The following PLEKHA5 variants were observed in gnomAD, a reference collection of about 807,000 sequenced individuals.
PLEKHA5 encodes the protein pleckstrin homology domain-containing family A member 5.
In PLEKHA5, 55 loss-of-function variants were observed where a neutral mutation model predicts 181.9. That is an observed-to-expected ratio of 0.30 (90% confidence interval 0.24 to 0.38). The LOEUF is 0.38. PLEKHA5 is among the 10% of genes least tolerant of loss of function. The pLI is 1.00. For synonymous variants in PLEKHA5, 535 were observed against 529.4 expected, an observed-to-expected ratio of 1.01 and a Z score of -0.15; for missense variants, 1,432 against 1,549.5, an observed-to-expected ratio of 0.92 and a Z score of 1.27.
intron 16 of PLEKHA5, among the ~76,000 whole-genome samples, chr12:19,316,158 T>C (rs948888682): frequency 9.9e-5 from 15 of 152,180 alleles, no homozygotes; most frequent in African/African-American, 3.1e-4. Context: ...TCTGAAGCTG[T>C]CAGTAAAATA....
chr12:19,205,868 A>G (rs1320641939), intron 3 of PLEKHA5, among the ~76,000 whole-genome samples: 2 of 152,132 alleles, frequency 1.3e-5, no homozygotes, highest in Non-Finnish European at 2.9e-5. Context: ...CCCAGTTTGC[A>G]TAAGATCAAA....
At chr12:19,331,104 T>C (rs1314354374) in intron 20 of PLEKHA5, among the ~76,000 whole-genome samples, 1 of 152,198 alleles carries the variant, frequency 6.6e-6, no homozygotes, top group Non-Finnish European at 1.5e-5. Flanking sequence ...TAAAACAGTT[T>C]ATTAGCTCTA....
chr12:19,254,953 G>T, intron 4 of PLEKHA5, 92 bp from the exon 5 acceptor site: 2 of 1,094,462 alleles, frequency 1.8e-6, no homozygotes, highest in South Asian at 2.3e-5. Flanking sequence ...CTGTGAAAAA[G>T]TAGGACACTC....
chr12:19,213,783 G>A (rs564665600), intron 3 of PLEKHA5, among the ~76,000 whole-genome samples: 8 of 152,270 alleles, frequency 5.3e-5, no homozygotes, highest in South Asian at 4.2e-4. Flanking sequence ...GGCAGGTAGC[G>A]AATGTGAGAG....
At chr12:19,273,979 C>G (rs1174266405) in intron 10 of PLEKHA5, among the ~76,000 whole-genome samples, 2 of 152,202 alleles carry the variant, frequency 1.3e-5, no homozygotes, top group African/African-American at 4.8e-5. Flanking sequence ...CATGTGCAGT[C>G]AGACTCCAAG....
Position 19,313,365 on chromosome 12 carries a change from G to A in PLEKHA5, c.2038-1449G>A, listed in dbSNP as rs527542840. Among the ~76,000 whole-genome samples the A allele has an allele frequency of 3.9e-4, 60 of 152,194 alleles. 1 individual carries two copies. The highest frequency in any genetic ancestry group is 2.1e-3 in the South Asian group (10 of 4,820). Reference sequence around the variant, plus strand: ...ATTCCAATCTGGGCAACAGATCACCGTAACACTTAAGAATTTTTTGTTTAA... The same window carrying A: ...ATTCCAATCTGGGCAACAGATCACCATAACACTTAAGAATTTTTTGTTTAA... On this transcript the variant is annotated intron_variant, in intron 15 of 31. Transcript: ENST00000429027.
At chr12:19,161,512 C>G (rs2042961372) in intron 3 of PLEKHA5, among the ~76,000 whole-genome samples, 1 of 152,190 alleles carries the variant, frequency 6.6e-6, no homozygotes, top group Non-Finnish European at 1.5e-5. Context: ...CCCACCCCAT[C>G]TCCGTGTCTC....
At chr12:19,141,878 C>T (rs971183697) in intron 3 of PLEKHA5, among the ~76,000 whole-genome samples, 1 of 152,156 alleles carries the variant, frequency 6.6e-6, no homozygotes, top group African/African-American at 2.4e-5. Context: ...AGTGTCAGTG[C>T]TTGAGTAATA....
intron 3 of PLEKHA5, among the ~76,000 whole-genome samples, chr12:19,230,942 G>A (rs759952531): frequency 8.5e-5 from 13 of 152,310 alleles, no homozygotes; most frequent in Non-Finnish European, 1.5e-4. Flanking sequence ...AACTTATGAA[G>A]TCAGTTACTT....
At chr12:19,156,196 GT>G (rs1555227365) in intron 3 of PLEKHA5, among the ~76,000 whole-genome samples, 13 of 127,098 alleles carry the variant, frequency 1.0e-4, no homozygotes, top group African/African-American at 3.4e-4. Context: ...TCCTTGATTT[GT>G]TTTTTTTCCT....
intron 3 of PLEKHA5, among the ~76,000 whole-genome samples, chr12:19,230,138 G>A (rs572739827): frequency 6.6e-6 from 1 of 152,070 alleles, no homozygotes; most frequent in Non-Finnish European, 1.5e-5. Context: ...AGACATAAGG[G>A]TTCTCCAGGT....
intron 3 of PLEKHA5, among the ~76,000 whole-genome samples, chr12:19,226,200 T>C (rs1471062370): frequency 6.6e-6 from 1 of 152,184 alleles, no homozygotes; most frequent in African/African-American, 2.4e-5. Context: ...CAATATGTGA[T>C]CTTTTGTGTC....
At chr12:19,184,713 A>G (rs182136977) in intron 3 of PLEKHA5, among the ~76,000 whole-genome samples, 155 of 151,320 alleles carry the variant, frequency 1.0e-3, no homozygotes, top group African/African-American at 3.5e-3. Flanking sequence ...GGGTGTGGCT[A>G]TAGGTTTTGA....
At chr12:19,250,928 CA>C (rs1230557148) in intron 3 of PLEKHA5, among the ~76,000 whole-genome samples, 1 of 152,070 alleles carries the variant, frequency 6.6e-6, no homozygotes, top group Non-Finnish European at 1.5e-5. Context: ...GCACACTACA[CA>C]AAAACTTCAT....
intron 3 of PLEKHA5, among the ~76,000 whole-genome samples, chr12:19,240,445 T>G (rs1268893257): frequency 2.0e-5 from 3 of 150,290 alleles, no homozygotes; most frequent in Non-Finnish European, 3.0e-5. Flanking sequence ...AGGGAGTTTT[T>G]TTTTTTTTTT....
At chr12:19,365,699 G>A (rs986299479) in intron 29 of PLEKHA5, among the ~76,000 whole-genome samples, 22 of 152,144 alleles carry the variant, frequency 1.4e-4, no homozygotes, top group Non-Finnish European at 2.9e-5. Flanking sequence ...ATCATATGTA[G>A]AATCTGCTTT....
chr12:19,279,912 A>T (rs2075631292), intron 11 of PLEKHA5, among the ~76,000 whole-genome samples: 1 of 151,878 alleles, frequency 6.6e-6, no homozygotes, highest in Non-Finnish European at 1.5e-5. Context: ...ATTTAACATG[A>T]GATTTTTCTC....
intron 20 of PLEKHA5, among the ~76,000 whole-genome samples, chr12:19,330,787 T>G (rs2092763248): frequency 6.6e-6 from 1 of 152,142 alleles, no homozygotes. Flanking sequence ...TTTTAATTTT[T>G]TTGCCTGATC....
chr12:19,334,818 CA>C (rs1241415983), intron 20 of PLEKHA5, among the ~76,000 whole-genome samples: 4 of 5,986 alleles, frequency 6.7e-4, no homozygotes, highest in African/African-American at 1.3e-3. Flanking sequence ...CCTGTCTTCA[CA>C]AAAAAAAAAA....
Sources: allele counts gnomAD v4.1 joint callset (sites outside exome capture counted in the v4.1 genomes callset), GRCh38; gene constraint gnomAD v4.1.1; transcripts MANE v1.5; gene names NCBI Gene and HGNC (gene_info 2026-07-23, HGNC 2026-07-21).